The following RASA2 variants were observed in gnomAD, a reference collection of about 807,000 sequenced individuals.
The protein encoded by RASA2 is ras GTPase-activating protein 2.
Under a neutral mutation model 118.2 loss-of-function variants are expected in RASA2, and 155 were observed. The observed-to-expected ratio is 1.31, with a 90% CI of 1.15 to 1.50. The LOEUF (loss-of-function observed/expected upper bound fraction) is 1.50. Ranked by LOEUF, RASA2 falls within the 40% of genes most tolerant of loss-of-function variation. The probability of loss-of-function intolerance (pLI) is 0.00; values close to 1 mark genes in which losing one functional copy is unlikely to be tolerated. For missense variants in RASA2, 1,016 were observed against 1,009.6 expected (o/e 1.01, Z -0.09); for synonymous variants, 353 against 349.1 (o/e 1.01, Z -0.12).
chr3:141,528,305 C>T (rs950941751), intron 3 of RASA2, among the ~76,000 whole-genome samples: 7 of 151,880 alleles, frequency 4.6e-5, no homozygotes, highest in Admixed American at 3.3e-4. Flanking sequence ...AATGTGGTTA[C>T]ATTCTAAAAA....
At chr3:141,574,162 TTTTA>T (rs951644995) in intron 14 of RASA2, 95 bp downstream of exon 14, 83 of 776,678 alleles carry the variant, frequency 1.1e-4, no homozygotes, top group African/African-American at 7.6e-4. Context: ...TATTTAAGGT[TTTTA>T]TTTATTTATT....
chr3:141,540,616 AT>A lies in RASA2; in HGVS notation c.527+15del, dbSNP rs562128860. 129 of 1,594,914 alleles carry A rather than the reference AT, an allele frequency of 8.1e-5. No individual in the cohort carries two copies. Among genetic ancestry groups the A allele is most frequent in the Admixed American group, 2.0e-4 (12 of 58,718 alleles). ...GCCAGCAGCTTGTTGTACAGTAAGC[AT>A]TTTTTTTAACCAAAATCAACTAGAA... On this transcript the variant is annotated splice_region_variant and intron_variant, in intron 5 of 23. Transcript: ENST00000286364.
intron 15 of RASA2, among the ~76,000 whole-genome samples, chr3:141,580,085 A>AAATATATAT (rs1553797703): frequency 3.7e-4 from 22 of 59,594 alleles, no homozygotes; most frequent in East Asian, 1.6e-3. Flanking sequence ...AAAAAAAAAA[A>AAATATATAT]ATATATATAT....
chr3:141,571,814 T>C (rs1180555152), intron 11 of RASA2, among the ~76,000 whole-genome samples: 1 of 152,082 alleles, frequency 6.6e-6, no homozygotes, highest in Non-Finnish European at 1.5e-5. Flanking sequence ...CTTAGTGTAA[T>C]GGTTCACGTG....
At chr3:141,589,836 G>A (rs1446282053) in intron 19 of RASA2, among the ~76,000 whole-genome samples, 8 of 149,328 alleles carry the variant, frequency 5.4e-5, no homozygotes, top group Non-Finnish European at 5.9e-5. Context: ...ATGAGGCTCT[G>A]TCTCCAAAAA....
At chr3:141,558,241 A>G (rs1377349068) in intron 7 of RASA2, among the ~76,000 whole-genome samples, 1 of 152,220 alleles carries the variant, frequency 6.6e-6, no homozygotes, top group East Asian at 1.9e-4. Context: ...AGCACTTTGT[A>G]GATTGTACAG....
intron 22 of RASA2, 91 bp downstream of exon 22, chr3:141,609,614 T>C: frequency 9.7e-7 from 1 of 1,032,034 alleles, no homozygotes; most frequent in Non-Finnish European, 1.4e-6. Context: ...TTGAAAATAC[T>C]CATAGATTTA....
intron 19 of RASA2, chr3:141,590,099 A>G (rs772623067): frequency 2.2e-6 from 1 of 456,342 alleles, no homozygotes; most frequent in Non-Finnish European, 4.4e-6. Context: ...TTTCCAAAAT[A>G]TATTACATGC....
chr3:141,493,206 G>T lies in RASA2; in HGVS notation c.133+5990G>T, dbSNP rs145586467. Among the ~76,000 whole-genome samples the T allele has an allele frequency of 6.6e-5, 10 of 152,284 alleles. No homozygotes were observed. The East Asian group carries it at 1.9e-3, about 29-fold the overall frequency. ...AAATGTACTACATTTAATACACAGA[G>T]ATTATACTACTTATCTGTTTATATA... On this transcript the variant is annotated intron_variant, in intron 1 of 23. Coordinates refer to ENST00000286364, the MANE Select transcript of RASA2 (RefSeq NM_006506.5).
chr3:141,562,986 A>G (rs2082760311), intron 9 of RASA2, among the ~76,000 whole-genome samples: 1 of 152,196 alleles, frequency 6.6e-6, no homozygotes, highest in Admixed American at 6.5e-5. Flanking sequence ...TCAGTTATTA[A>G]TAGAACTGCT....
chr3:141,612,135 C>T (rs535372339), intron 23 of RASA2, 148 bp from the exon 24 acceptor site: 21 of 638,784 alleles, frequency 3.3e-5, no homozygotes, highest in African/African-American at 3.0e-4. Context: ...AATAGGTGGT[C>T]AGTAAGTACT....
chr3:141,534,493 A>G (rs1226327462), intron 4 of RASA2, among the ~76,000 whole-genome samples: 3 of 152,192 alleles, frequency 2.0e-5, no homozygotes, highest in East Asian at 1.9e-4. Context: ...GCTATCAACC[A>G]TGTCCTATAT....
chr3:141,609,343 T>A (rs1299004103), intron 21 of RASA2, 77 bp from the exon 22 acceptor site: 5 of 858,986 alleles, frequency 5.8e-6, no homozygotes, highest in Non-Finnish European at 8.3e-6. Flanking sequence ...ATTTTTAGTC[T>A]CAAACCATCA....
chr3:141,543,931 A>C (rs1241556894), intron 5 of RASA2, among the ~76,000 whole-genome samples: 4 of 128,258 alleles, frequency 3.1e-5, no homozygotes, highest in Admixed American at 1.0e-4. Context: ...GCTGGAGTGC[A>C]TTGGTGTGAT....
intron 3 of RASA2, among the ~76,000 whole-genome samples, chr3:141,518,354 G>A (rs1022883981): frequency 1.3e-5 from 2 of 151,056 alleles, no homozygotes; most frequent in Admixed American, 6.6e-5. Flanking sequence ...GCGGCGGTGC[G>A]CACCTGTAGT....
intron 4 of RASA2, among the ~76,000 whole-genome samples, chr3:141,532,616 A>G (rs1560013174): frequency 6.6e-6 from 1 of 152,202 alleles, no homozygotes; most frequent in African/African-American, 2.4e-5. Context: ...GTAAGTTACA[A>G]TTATTTTTGA....
At chr3:141,572,194 C>T (rs1341751475) in intron 11 of RASA2, among the ~76,000 whole-genome samples, 2 of 151,786 alleles carry the variant, frequency 1.3e-5, no homozygotes, top group African/African-American at 4.8e-5. Flanking sequence ...TAGGTTCAAG[C>T]GATTCTCATG....
intron 1 of RASA2, among the ~76,000 whole-genome samples, chr3:141,506,869 T>C (rs915725617): frequency 3.3e-5 from 5 of 150,446 alleles, no homozygotes; most frequent in Non-Finnish European, 7.4e-5. Context: ...TGAGCCATGA[T>C]TGTGCCACTG....
At position 141,587,660 on chromosome 3, in the gene RASA2, G is replaced by C. The variant is rs377297618; in HGVS notation, c.1933+908G>C. On this transcript the variant is annotated intron_variant, in intron 19 of 23. Coordinates refer to ENST00000286364, the MANE Select transcript of RASA2 (RefSeq NM_006506.5). ...ACCCAGGAGGCAGAGGCTGCAGTAA[G>C]CTGAGATCTTGCCACTGCACTGTAG... Among the ~76,000 whole-genome samples the C allele has an allele frequency of 3.7e-3, 547 of 147,006 alleles. 1 individual carries two copies. The highest frequency in any genetic ancestry group is 8.1e-3 in the African/African-American group (317 of 39,328).
Sources: allele counts gnomAD v4.1 joint callset (sites outside exome capture counted in the v4.1 genomes callset), GRCh38; gene constraint gnomAD v4.1.1; transcripts MANE v1.5; gene names NCBI Gene and HGNC (gene_info 2026-07-23, HGNC 2026-07-21).